The following ANO6 variants were observed in gnomAD, a reference collection of about 807,000 sequenced individuals.
The protein encoded by ANO6 is anoctamin 6, also known as anoctamin-6.
A neutral mutation model predicts 117.5 loss-of-function variants in ANO6; 106 were observed. That is an observed-to-expected ratio of 0.90 (90% CI 0.77 to 1.06). The LOEUF is 1.06. ANO6 is among the 50% of genes least tolerant of loss of function. The pLI is 0.00. For synonymous variants in ANO6, 367 were observed against 385.1 expected (o/e 0.95, Z 0.55); for missense variants, 955 against 1,121.1 (o/e 0.85, Z 2.12).
intron 1 of ANO6, among the ~76,000 whole-genome samples, chr12:45,272,809 T>C (rs1019320619): frequency 6.6e-6 from 1 of 152,224 alleles, no homozygotes; most frequent in Non-Finnish European, 1.5e-5. Flanking sequence ...TCTGAGTATA[T>C]ACCCAAAGGG....
At chr12:45,267,004 A>G (rs576196610) in intron 1 of ANO6, among the ~76,000 whole-genome samples, 1 of 152,230 alleles carries the variant, frequency 6.6e-6, no homozygotes, top group South Asian at 2.1e-4. Context: ...ATCACGGTGG[A>G]CATAGTGGGC....
intron 1 of ANO6, among the ~76,000 whole-genome samples, chr12:45,261,403 A>T (rs1256360453): frequency 6.6e-6 from 1 of 152,176 alleles, no homozygotes; most frequent in African/African-American, 2.4e-5. Flanking sequence ...GAAATTAATG[A>T]TATTGATTGG....
At chr12:45,330,309 G>T (rs554526293) in intron 2 of ANO6, among the ~76,000 whole-genome samples, 60 of 152,248 alleles carry the variant, frequency 3.9e-4, no homozygotes, top group Middle Eastern at 3.4e-3. Flanking sequence ...GTAAAATTGT[G>T]TAGCTTCTGT....
chr12:45,328,069 C>T (rs1166259264), intron 2 of ANO6, among the ~76,000 whole-genome samples: 1 of 152,086 alleles, frequency 6.6e-6, no homozygotes, highest in African/African-American at 2.4e-5. Context: ...AACATCCTGA[C>T]ACATTTGACT....
At chr12:45,336,717 TTACTA>T (rs1312946092) in intron 3 of ANO6, among the ~76,000 whole-genome samples, 1 of 152,230 alleles carries the variant, frequency 6.6e-6, no homozygotes, top group African/African-American at 2.4e-5. Context: ...GTTTATGTGT[TTACTA>T]TACTATAATA....
chr12:45,325,015 A>G (rs1017551623), intron 2 of ANO6, among the ~76,000 whole-genome samples: 2 of 152,220 alleles, frequency 1.3e-5, no homozygotes, highest in African/African-American at 2.4e-5. Context: ...AGAACCAAAC[A>G]TAGGTAAGCT....
At chr12:45,231,523 A>G (rs1001599478) in intron 1 of ANO6, among the ~76,000 whole-genome samples, 5 of 152,230 alleles carry the variant, frequency 3.3e-5, no homozygotes, top group Non-Finnish European at 1.5e-5. Flanking sequence ...CAAATGAAGT[A>G]GAGTTTAAGA....
intron 10 of ANO6, among the ~76,000 whole-genome samples, chr12:45,386,166 A>G (rs949799551): frequency 1.3e-5 from 2 of 152,236 alleles, no homozygotes; most frequent in African/African-American, 4.8e-5. Context: ...AGTATTTTGT[A>G]AAAGCTCCCT....
At chr12:45,320,843 C>T (rs533635196) in intron 2 of ANO6, among the ~76,000 whole-genome samples, 3 of 152,086 alleles carry the variant, frequency 2.0e-5, no homozygotes, top group Non-Finnish European at 4.4e-5. Flanking sequence ...TAGATCTTCT[C>T]GTTGAATTAA....
At chr12:45,374,900 G>C (rs1345897589) in intron 9 of ANO6, among the ~76,000 whole-genome samples, 1 of 152,074 alleles carries the variant, frequency 6.6e-6, no homozygotes, top group African/African-American at 2.4e-5. Flanking sequence ...ATTAGGAAAA[G>C]AGGAAGTCAA....
rs150068314 is a variant in ANO6, at chr12:45,403,680, C to T, written c.1880+144C>T. ...ATCAGAATCTGTTGTCATTAAAGGT[C>T]TCCAGACAACATAGTCCAACCAACA... is the stretch of plus-strand genomic sequence containing the variant. On this transcript the variant is annotated intron_variant, in intron 15 of 19. Coordinates refer to ENST00000320560, the MANE Select transcript of ANO6 (RefSeq NM_001025356.3). 1.1e-4 allele frequency: 78 copies of T among 712,326 alleles called. No individual in the cohort carries two copies. The East Asian group carries it at 2.1e-3, about 19-fold the overall frequency. The allele number at this position is 712,326 out of a possible 1,614,324, so 44.1% of individuals were successfully genotyped here. A position where few individuals can be genotyped will look rare whatever the true frequency, so the allele number is the denominator to read the frequency against.
At chr12:45,407,176 A>G (rs1389567957) in intron 15 of ANO6, among the ~76,000 whole-genome samples, 4 of 152,182 alleles carry the variant, frequency 2.6e-5, no homozygotes, top group South Asian at 2.1e-4. Context: ...CAGCATCTGT[A>G]ACTCAGAAAT....
At chr12:45,281,521 CGAGAGCAGGAGCAAGAGA>C (rs1938734621) in intron 1 of ANO6, among the ~76,000 whole-genome samples, 1 of 152,110 alleles carries the variant, frequency 6.6e-6, no homozygotes, top group Non-Finnish European at 1.5e-5. Flanking sequence ...TGTCCCATAG[CGAGAGCAGGAGCAAGAGA>C]GAGAGGAGAA....
chr12:45,245,484 G>T (rs1592864774), intron 1 of ANO6, among the ~76,000 whole-genome samples: 1 of 146,054 alleles, frequency 6.8e-6, no homozygotes, highest in Non-Finnish European at 1.5e-5. Context: ...GGTTAGTAGT[G>T]TCCATGGCTC....
chr12:45,256,945 A>G (rs1341892316), intron 1 of ANO6, among the ~76,000 whole-genome samples: 2 of 152,144 alleles, frequency 1.3e-5, no homozygotes, highest in Non-Finnish European at 2.9e-5. Context: ...CTGGTGGATA[A>G]AGCTCTGAGA....
chr12:45,271,809 A>T (rs1019852122), intron 1 of ANO6, among the ~76,000 whole-genome samples: 2 of 152,220 alleles, frequency 1.3e-5, no homozygotes, highest in Non-Finnish European at 2.9e-5. Context: ...CATAGTTAAA[A>T]TTTTTTGGAA....
chr12:45,434,338 G>A (rs771054040), downstream of ANO6, among the ~76,000 whole-genome samples: 1 of 152,214 alleles, frequency 6.6e-6, no homozygotes, highest in Non-Finnish European at 1.5e-5. Context: ...CAGGTAAGAG[G>A]CCTGCTCTGT....
In ANO6 at chr12:45,398,268, T is replaced by C. The variant is rs1942683214; in HGVS notation, c.1387-3527T>C. Among the ~76,000 whole-genome samples the C allele has an allele frequency of 2.0e-5, 3 of 151,996 alleles. No individual in the cohort carries two copies. The South Asian group carries it at 6.2e-4, about 32-fold the overall frequency. On this transcript the variant is annotated intron_variant, in intron 12 of 19. Transcript: ENST00000320560. ...AATGTGCAATTACAAAGGAAAAAAA[T>C]ATGATGACCAATAACCATTACAAAA...
intron 1 of ANO6, among the ~76,000 whole-genome samples, chr12:45,275,462 C>A (rs1938526125): frequency 6.6e-6 from 1 of 152,230 alleles, no homozygotes; most frequent in Non-Finnish European, 1.5e-5. Context: ...CACGCCTCGA[C>A]CTCCCAAAGT....
Sources: gnomAD v4.1 joint callset for allele counts (sites outside exome capture counted in the v4.1 genomes callset) on GRCh38, gnomAD v4.1.1 for gene constraint, MANE v1.5 for transcripts, NCBI Gene and HGNC (gene_info 2026-07-23, HGNC 2026-07-21) for gene names.